Variants in LY6L observed in about 807,000 individuals in gnomAD.
LY6L encodes the protein lymphocyte antigen 6 family member L, also known as lymphocyte antigen 6L.
A neutral mutation model predicts 8.3 loss-of-function variants in LY6L; 8 were observed. The observed-to-expected ratio is 0.97, with a 90% confidence interval of 0.57 to 1.74. LY6L has a LOEUF of 1.74. Among genes scored for constraint, LY6L ranks in the 40% most tolerant of loss-of-function variants. LY6L has a pLI of 0.00. For missense variants in LY6L, 156 were observed against 183.8 expected (o/e 0.85, Z 0.87); for synonymous variants, 79 against 77.9 (o/e 1.01, Z -0.07).
chr8:143,082,750 G>C lies in LY6L; in HGVS notation c.*99G>C. 1 of 1,000,400 alleles carries C rather than the reference G, an allele frequency of 1.0e-6. No homozygotes were observed. Among genetic ancestry groups the C allele is most frequent in the Non-Finnish European group, 1.4e-6 (1 of 714,374 alleles). The allele number at this position is 1,000,400 out of a possible 1,614,324, so 62.0% of individuals were successfully genotyped here. On this transcript the variant is annotated 3_prime_UTR_variant, in exon 4 of 4. Transcript: ENST00000562505. ...CCGCCCCTTCCAGGACACTGGGGGGGGACCCTCCCTCTCTGAGGTGGTGGG... is the reference window on the plus strand; with the variant it reads ...CCGCCCCTTCCAGGACACTGGGGGGCGACCCTCCCTCTCTGAGGTGGTGGG...
rs987847442 is a variant in LY6L, at chr8:143,082,886, A to C, written c.*235A>C. 16 of 502,248 alleles carry C rather than the reference A, an allele frequency of 3.2e-5. No homozygotes were observed. Among genetic ancestry groups the C allele is most frequent in the Non-Finnish European group, 1.1e-5 (3 of 283,644 alleles). 31.1% of individuals were successfully genotyped at this position (502,248 alleles called of 1,614,324 possible). A position where few individuals can be genotyped will look rare whatever the true frequency, so the allele number is the denominator to read the frequency against. ...GCAACTGCTCCTCCTGGGGAAGGAC[A>C]GTGCCTCTGATGTGGGTGATGGGAA... On this transcript the variant is annotated 3_prime_UTR_variant, in exon 4 of 4. Transcript: ENST00000562505.
rs1241831003 is a variant in LY6L at position 143,082,718 on chromosome 8, C to A, written c.*67C>A. The A allele has an allele frequency of 8.0e-7, 1 of 1,248,006 alleles. No homozygotes were observed. Among genetic ancestry groups the A allele is most frequent in the Non-Finnish European group, 1.1e-6 (1 of 931,714 alleles). The allele number at this position is 1,248,006 out of a possible 1,614,324, so 77.3% of individuals were successfully genotyped here. Reference sequence around the variant, plus strand: ...CCCGTCTCCTGCCTCCAACTGCCATCCTGCCTCCGCCCCTTCCAGGACACT... The same window carrying A: ...CCCGTCTCCTGCCTCCAACTGCCATACTGCCTCCGCCCCTTCCAGGACACT... On this transcript the variant is annotated 3_prime_UTR_variant, in exon 4 of 4. Transcript: ENST00000562505.
At position 143,082,624 on chromosome 8, in the gene LY6L, C is replaced by G; in HGVS notation, c.390C>G (p.Gly130=). ...GAGGGGGGCTCCTGCTCCAGGTGGG[C>G]CTCAGCCTCCTCAGGGCCCTGTTGT... is the stretch of plus-strand genomic sequence containing the variant. The part of the protein sequence containing the change: ...ALRGGLLLQV[G]LSLLRALL Residue 130 remains glycine, a synonymous_variant, in exon 4 of 4, where the codon GGC becomes GGG. Transcript: ENST00000562505. 6.6e-7 allele frequency: 1 copy of G among 1,516,364 alleles called. No homozygotes were observed. Among genetic ancestry groups the G allele is most frequent in the Non-Finnish European group, 8.8e-7 (1 of 1,133,394 alleles). The allele number at this position is 1,516,364 out of a possible 1,614,324, so 93.9% of individuals were successfully genotyped here.
At position 143,081,327 on chromosome 8, in the gene LY6L, A is replaced by G; in HGVS notation, c.190A>G (p.Lys64Glu). 1 of 1,513,206 alleles carries G rather than the reference A, an allele frequency of 6.6e-7. No individual in the cohort carries two copies. The highest frequency in any genetic ancestry group is 8.8e-7 in the Non-Finnish European group (1 of 1,130,732). The allele number at this position is 1,513,206 out of a possible 1,614,324, so 93.7% of individuals were successfully genotyped here. A position where few individuals can be genotyped will look rare whatever the true frequency, so the allele number is the denominator to read the frequency against. ...CISNEVVVSF[K>E]WSVRVLLSKR... Reference sequence around the variant, plus strand: ...CTCCAACGAGGTGGTCGTCTCTTTTAGTGAGTCCCCCCCGGGCAGAGGGCA... The same window carrying G: ...CTCCAACGAGGTGGTCGTCTCTTTTGGTGAGTCCCCCCCGGGCAGAGGGCA... The change falls in exon 3 of 4, where the codon AAA becomes GAA. Residue 64 changes from lysine to glutamate, a missense_variant and splice_region_variant. Transcript: ENST00000562505.
intron 3 of LY6L, 124 bp downstream of exon 3, chr8:143,081,451 T>G (rs1207901514): frequency 1.7e-6 from 1 of 586,940 alleles, no homozygotes; most frequent in Non-Finnish European, 2.9e-6. Context: ...GGTCCGAAAG[T>G]GCCTCCTGCT....
At chr8:143,082,272 G>T (rs181389770) in intron 3 of LY6L, among the ~76,000 whole-genome samples, 153 bp from the exon 4 acceptor site, 1 of 152,352 alleles carries the variant, frequency 6.6e-6, no homozygotes, top group Non-Finnish European at 1.5e-5. Flanking sequence ...AGGAGAAGGT[G>T]GTCTCTTGGC....
chr8:143,081,438 G>A, intron 3 of LY6L, 111 bp downstream of exon 3: 1 of 660,236 alleles, frequency 1.5e-6, no homozygotes, highest in East Asian at 3.0e-5. Context: ...CTGGGGCCCT[G>A]TGGGTCCGAA....
chr8:143,083,066 G>A lies in LY6L; in HGVS notation c.*415G>A, dbSNP rs1264356441. ...CTCTGGTGTGGGTGATGAGAAGGAC[G>A]GTGCCTCCGGTGTGGGTGATGGGAA... On this transcript the variant is annotated 3_prime_UTR_variant, in exon 4 of 4. Coordinates refer to ENST00000562505, the MANE Select transcript of LY6L (RefSeq NM_001368160.2). The A allele has an allele frequency of 3.7e-5, 8 of 214,816 alleles. No individual in the cohort carries two copies. Among genetic ancestry groups the A allele is most frequent in the Non-Finnish European group, 7.4e-5 (8 of 107,564 alleles). 13.3% of individuals were successfully genotyped at this position (214,816 alleles called of 1,614,324 possible). A position where few individuals can be genotyped will look rare whatever the true frequency, so the allele number is the denominator to read the frequency against.
chr8:143,082,761 C>G lies in LY6L; in HGVS notation c.*110C>G. ...AGGACACTGGGGGGGGACCCTCCCT[C>G]TCTGAGGTGGTGGGGAGGGTGCCAT... is the stretch of plus-strand genomic sequence containing the variant. On this transcript the variant is annotated 3_prime_UTR_variant, in exon 4 of 4. Coordinates refer to ENST00000562505, the MANE Select transcript of LY6L (RefSeq NM_001368160.2). The G allele has an allele frequency of 1.1e-6, 1 of 921,668 alleles. No individual in the cohort carries two copies. The highest frequency in any genetic ancestry group is 2.0e-5 in the South Asian group (1 of 50,024). 57.1% of individuals were successfully genotyped at this position (921,668 alleles called of 1,614,324 possible). A position where few individuals can be genotyped will look rare whatever the true frequency, so the allele number is the denominator to read the frequency against.
chr8:143,081,997 CAGTACAGA>C (rs1179810618), intron 3 of LY6L, among the ~76,000 whole-genome samples: 12 of 152,284 alleles, frequency 7.9e-5, no homozygotes, highest in Middle Eastern at 3.4e-3. Context: ...TTTAAGTGAG[CAGTACAGA>C]GAAACGAGCC....
chr8:143,082,095 C>T (rs1193468206), intron 3 of LY6L, among the ~76,000 whole-genome samples: 1 of 152,244 alleles, frequency 6.6e-6, no homozygotes, highest in African/African-American at 2.4e-5. Flanking sequence ...CATCTCCCGA[C>T]GACGCACATG....
chr8:143,081,148 G>C, intron 2 of LY6L, 22 bp downstream of exon 2: 2 of 1,533,126 alleles, frequency 1.3e-6, no homozygotes, highest in Non-Finnish European at 8.7e-7. Flanking sequence ...CCCGGGCTGG[G>C]CTGGGGGCGT....
chr8:143,081,038 T>C lies in LY6L; in HGVS notation c.-16T>C, dbSNP rs1472338212. 1.3e-6 allele frequency: 2 copies of C among 1,531,430 alleles called. No homozygotes were observed. The highest frequency in any genetic ancestry group is 8.7e-7 in the Non-Finnish European group (1 of 1,143,640). The allele number at this position is 1,531,430 out of a possible 1,614,324, so 94.9% of individuals were successfully genotyped here. On this transcript the variant is annotated splice_region_variant and 5_prime_UTR_variant, in exon 2 of 4. Transcript: ENST00000562505. ...AACACCCACCTCACCCCACTCAGGC[T>C]GAGCCTTCTGGCGTCATGGAGAGGC...
At position 143,082,289 on chromosome 8, in the gene LY6L, C is replaced by T. The variant is rs1488669423; in HGVS notation, c.191-136C>T. 1.1e-5 allele frequency: 7 copies of T among 628,168 alleles called. 1 individual carries two copies. The highest frequency in any genetic ancestry group is 5.6e-5 in the East Asian group (2 of 35,648). 38.9% of individuals were successfully genotyped at this position (628,168 alleles called of 1,614,324 possible). On this transcript the variant is annotated intron_variant, in intron 3 of 3. Coordinates refer to ENST00000562505, the MANE Select transcript of LY6L (RefSeq NM_001368160.2). ...GAGAAGGTGGTCTCTTGGCTGTCCT[C>T]GCAGGGCCAGGTTACGTGCTCTAGC...
At position 143,082,895 on chromosome 8, in the gene LY6L, GAT is replaced by G. The variant is rs1204356230; in HGVS notation, c.*245_*246del. On this transcript the variant is annotated 3_prime_UTR_variant, in exon 4 of 4. Transcript: ENST00000562505. Reference sequence around the variant, plus strand: ...CCTCCTGGGGAAGGACAGTGCCTCTGATGTGGGTGATGGGAAGGACGGTGCCT... The same window carrying G: ...CCTCCTGGGGAAGGACAGTGCCTCTGGTGGGTGATGGGAAGGACGGTGCCT... 3.2e-4 allele frequency: 156 copies of G among 492,138 alleles called. No homozygotes were observed. The highest frequency in any genetic ancestry group is 4.8e-4 in the South Asian group (14 of 29,054). The allele number at this position is 492,138 out of a possible 1,614,324, so 30.5% of individuals were successfully genotyped here.
intron 3 of LY6L, among the ~76,000 whole-genome samples, chr8:143,081,766 A>T (rs185444106): frequency 6.6e-6 from 1 of 152,388 alleles, no homozygotes; most frequent in East Asian, 1.9e-4. Flanking sequence ...TAACGTGTAT[A>T]TTGCAACTTA....
At position 143,081,210 on chromosome 8, in the gene LY6L, G is replaced by T; in HGVS notation, c.74-1G>T. 1 of 1,529,652 alleles carries T rather than the reference G, an allele frequency of 6.5e-7. No homozygotes were observed. The highest frequency in any genetic ancestry group is 8.8e-7 in the Non-Finnish European group (1 of 1,142,594). The allele number at this position is 1,529,652 out of a possible 1,614,324, so 94.8% of individuals were successfully genotyped here. A position where few individuals can be genotyped will look rare whatever the true frequency, so the allele number is the denominator to read the frequency against. On this transcript the variant is annotated splice_acceptor_variant, in intron 2 of 3. Coordinates refer to ENST00000562505, the MANE Select transcript of LY6L (RefSeq NM_001368160.2). LOFTEE classifies it high-confidence loss of function. ...CACAGCGCCCCGCTTGCTGCCCACA[G>T]CTCGCAACCTGAGCTGCTACCAGTG...
At chr8:143,082,214 T>A (rs985108498) in intron 3 of LY6L, among the ~76,000 whole-genome samples, 2 of 152,238 alleles carry the variant, frequency 1.3e-5, no homozygotes, top group Admixed American at 6.5e-5. Context: ...GGAGGTGGCC[T>A]GGGCAGCCAG....
In LY6L at chr8:143,082,741, A is replaced by T; in HGVS notation, c.*90A>T. On this transcript the variant is annotated 3_prime_UTR_variant, in exon 4 of 4. Transcript: ENST00000562505. ...ATCCTGCCTCCGCCCCTTCCAGGAC[A>T]CTGGGGGGGGACCCTCCCTCTCTGA... 1 of 1,061,870 alleles carries T rather than the reference A, an allele frequency of 9.4e-7. No homozygotes were observed. Among genetic ancestry groups the T allele is most frequent in the Non-Finnish European group, 1.3e-6 (1 of 769,364 alleles). The allele number at this position is 1,061,870 out of a possible 1,614,324, so 65.8% of individuals were successfully genotyped here.
Sources: allele counts gnomAD v4.1 joint callset (sites outside exome capture counted in the v4.1 genomes callset), GRCh38; gene constraint gnomAD v4.1.1; transcripts MANE v1.5; gene names NCBI Gene and HGNC (gene_info 2026-07-23, HGNC 2026-07-21).